Variants in DLGAP1 observed in about 807,000 individuals in gnomAD.
DLGAP1 encodes the protein disks large-associated protein 1.
Under a neutral mutation model 90.8 loss-of-function variants are expected in DLGAP1, and 11 were observed. That is an observed-to-expected ratio of 0.12 (90% CI 0.08 to 0.20). The LOEUF (loss-of-function observed/expected upper bound fraction) is 0.20, where lower values mean the gene tolerates loss of function less well. Ranked by LOEUF, DLGAP1 falls within the 10% of genes least tolerant of loss-of-function variation. The probability of loss-of-function intolerance (pLI) is 1.00; values close to 1 mark genes in which losing one functional copy is unlikely to be tolerated. For synonymous variants in DLGAP1, 558 were observed against 540.7 expected (o/e 1.03, Z -0.44); for missense variants, 1,050 against 1,333.8 (o/e 0.79, Z 3.31).
rs527874922 is a variant in DLGAP1 at position 4,443,422 on chromosome 18, G to A, written c.-267+11584C>T. ...GGCAGAGCCAGGGAGTTCTGTTTCT[G>A]CAGCAGAAGGGATGGCATGTGTTCC... On this transcript the variant is annotated intron_variant, in intron 1 of 12. Transcript: ENST00000315677. Among the ~76,000 whole-genome samples the A allele has an allele frequency of 6.9e-4, 105 of 152,290 alleles. 1 individual carries two copies. The highest frequency in any genetic ancestry group is 2.4e-3 in the African/African-American group (100 of 41,546).
At chr18:3,579,617 C>T (rs2055371124) in intron 8 of DLGAP1, among the ~76,000 whole-genome samples, 1 of 152,070 alleles carries the variant, frequency 6.6e-6, no homozygotes, top group Non-Finnish European at 1.5e-5. Flanking sequence ...TGATATAGCA[C>T]AACAAAAATG....
intron 4 of DLGAP1, among the ~76,000 whole-genome samples, chr18:3,857,455 G>T (rs1345325815): frequency 6.6e-6 from 1 of 151,992 alleles, no homozygotes; most frequent in African/African-American, 2.4e-5. Context: ...TTATCAAAAT[G>T]ACACAAAATG....
At chr18:4,135,210 C>T (rs1466371086) in intron 2 of DLGAP1, among the ~76,000 whole-genome samples, 2 of 152,008 alleles carry the variant, frequency 1.3e-5, no homozygotes, top group African/African-American at 4.8e-5. Flanking sequence ...AGGTTCCTAA[C>T]TTATGCAACT....
chr18:3,568,992 ATTATT>A (rs1215927235), intron 8 of DLGAP1, among the ~76,000 whole-genome samples: 19 of 146,578 alleles, frequency 1.3e-4, no homozygotes, highest in Admixed American at 2.1e-4. Flanking sequence ...GGCCTAAATG[ATTATT>A]TTATTTTATT....
intron 2 of DLGAP1, among the ~76,000 whole-genome samples, chr18:4,016,335 CA>C: frequency 6.6e-6 from 1 of 152,360 alleles, no homozygotes; most frequent in East Asian, 1.9e-4. Context: ...TGAGCGGCCT[CA>C]CCTGTTATCA....
chr18:3,661,650 C>T (rs961331082), intron 7 of DLGAP1, among the ~76,000 whole-genome samples: 3 of 149,054 alleles, frequency 2.0e-5, no homozygotes, highest in East Asian at 4.0e-4. Flanking sequence ...GGCCTTGGCT[C>T]ACTGCAACCT....
chr18:4,424,159 A>AT lies in DLGAP1; in HGVS notation c.-267+30846dup, dbSNP rs1017160083. Among the ~76,000 whole-genome samples the AT allele has an allele frequency of 6.2e-4, 94 of 151,514 alleles. 1 individual carries two copies. Among genetic ancestry groups the AT allele is most frequent in the Admixed American group, 2.7e-3 (41 of 15,170 alleles). ...GAGCGAGACTCCATCTTAAAAAAAA[A>AT]TTTTTTTAACAATTCCTGGGGAAGT... On this transcript the variant is annotated intron_variant, in intron 1 of 12. Coordinates refer to ENST00000315677, the MANE Select transcript of DLGAP1 (RefSeq NM_004746.4).
chr18:4,201,233 G>C (rs1417654298), intron 1 of DLGAP1, among the ~76,000 whole-genome samples: 3 of 152,066 alleles, frequency 2.0e-5, no homozygotes, highest in African/African-American at 7.2e-5. Context: ...CCAATGTCCA[G>C]AAGAGTTTTT....
intron 1 of DLGAP1, among the ~76,000 whole-genome samples, chr18:4,408,214 A>G (rs2082705058): frequency 6.6e-6 from 1 of 152,128 alleles, no homozygotes; most frequent in African/African-American, 2.4e-5. Flanking sequence ...AAAAGGGTCG[A>G]TATTTATCAG....
chr18:3,788,761 C>T (rs1216100449), intron 5 of DLGAP1, among the ~76,000 whole-genome samples: 1 of 152,132 alleles, frequency 6.6e-6, no homozygotes, highest in Non-Finnish European at 1.5e-5. Flanking sequence ...AGCTACAAAG[C>T]ACCTGTAAAT....
chr18:3,577,610 AAAG>A (rs1350545565), intron 8 of DLGAP1, among the ~76,000 whole-genome samples: 5 of 152,204 alleles, frequency 3.3e-5, no homozygotes, highest in Non-Finnish European at 7.3e-5. Context: ...AGGAGACAGA[AAAG>A]AAGGAGGGTT....
At chr18:3,588,755 G>A (rs1322240374) in intron 7 of DLGAP1, among the ~76,000 whole-genome samples, 2 of 143,824 alleles carry the variant, frequency 1.4e-5, no homozygotes, top group African/African-American at 2.6e-5. Context: ...ACTCCAGCCT[G>A]AGCGACAGAG....
intron 1 of DLGAP1, among the ~76,000 whole-genome samples, chr18:4,203,934 C>T (rs2077663302): frequency 6.6e-6 from 1 of 152,212 alleles, no homozygotes; most frequent in Non-Finnish European, 1.5e-5. Flanking sequence ...TGAATTAATG[C>T]TTCAGCTGTT....
At position 3,653,705 on chromosome 18, in the gene DLGAP1, C is replaced by G. The variant is rs192210970; in HGVS notation, c.1592-71457G>C. 2.0e-5 allele frequency: 3 copies of G among 152,216 alleles called. No individual in the cohort carries two copies. Among genetic ancestry groups the G allele is most frequent in the Admixed American group, 2.0e-4 (3 of 15,288 alleles). The allele number at this position is 152,216 out of a possible 1,614,324, so 9.4% of individuals were successfully genotyped here. A position where few individuals can be genotyped will look rare whatever the true frequency, so the allele number is the denominator to read the frequency against. On this transcript the variant is annotated intron_variant, in intron 7 of 12. Transcript: ENST00000315677. The surrounding 1 kb of genome is among the most constrained non-coding windows in gnomAD (Gnocchi z 4.6). Reference sequence around the variant, plus strand: ...CCTTGAAAAGAATAAGAGAATCTACCTAAAATATTAATACTAGTTTCAGAG... The same window carrying G: ...CCTTGAAAAGAATAAGAGAATCTACGTAAAATATTAATACTAGTTTCAGAG...
At chr18:3,770,187 G>A (rs191357980) in intron 5 of DLGAP1, 1 of 152,156 alleles carries the variant, frequency 6.6e-6, no homozygotes, top group African/African-American at 2.4e-5. Context: ...GGGTGGACTT[G>A]GGACCTGGTT....
intron 1 of DLGAP1, among the ~76,000 whole-genome samples, chr18:4,235,308 T>C (rs886959449): frequency 2.0e-5 from 3 of 152,172 alleles, no homozygotes; most frequent in Admixed American, 2.0e-4. Flanking sequence ...AGTGCATATA[T>C]TCAATGGAGA....
chr18:4,198,942 G>C (rs925289780), intron 1 of DLGAP1, among the ~76,000 whole-genome samples: 1 of 152,236 alleles, frequency 6.6e-6, no homozygotes, highest in Admixed American at 6.5e-5. Flanking sequence ...GTAGTGAGAG[G>C]TGTGCATTGT....
At chr18:4,171,543 A>C (rs529521872) in intron 1 of DLGAP1, among the ~76,000 whole-genome samples, 99 of 151,224 alleles carry the variant, frequency 6.5e-4, no homozygotes, top group African/African-American at 2.3e-3. Flanking sequence ...CCAGCCTGGA[A>C]GACAGAGCGA....
Position 4,084,337 on chromosome 18 carries a change from T to C in DLGAP1, c.-159+66843A>G, listed in dbSNP as rs58914252. ...AAAAATGATTGTTTACCATAACTCA[T>C]TTAACAATCTTTCCATTGTTAAAAA... On this transcript the variant is annotated intron_variant, in intron 2 of 12. Coordinates refer to ENST00000315677, the MANE Select transcript of DLGAP1 (RefSeq NM_004746.4). The surrounding 1 kb of genome is among the most constrained non-coding windows in gnomAD (Gnocchi z 4.0). Among the ~76,000 whole-genome samples the C allele has an allele frequency of 0.045, 6,870 of 152,296 alleles. 516 individuals are homozygous for C. The highest frequency in any genetic ancestry group is 0.16 in the African/African-American group (6,512 of 41,526).
Sources: allele counts gnomAD v4.1 joint callset (sites outside exome capture counted in the v4.1 genomes callset), GRCh38; gene constraint gnomAD v4.1.1; non-coding constraint Gnocchi (gnomAD v3.1); transcripts MANE v1.5; gene names NCBI Gene and HGNC (gene_info 2026-07-23, HGNC 2026-07-21).